TMEM132D: variants seen among roughly 807,000 people sequenced by gnomAD.
TMEM132D encodes the protein mature OL transmembrane protein.
In TMEM132D, 21 loss-of-function variants were observed where a neutral mutation model predicts 62.3. The observed-to-expected ratio is 0.34, with a 90% CI of 0.24 to 0.49. TMEM132D has a LOEUF of 0.49. Ranked by LOEUF, TMEM132D falls within the 20% of genes least tolerant of loss-of-function variation. The probability of loss-of-function intolerance (pLI) is 0.99; values close to 1 mark genes in which losing one functional copy is unlikely to be tolerated. For synonymous variants in TMEM132D, 621 were observed against 575.6 expected (o/e 1.08, Z -1.13); for missense variants, 1,346 against 1,402.8 (o/e 0.96, Z 0.65).
chr12:129,384,429 A>C (rs2135689354), intron 3 of TMEM132D, among the ~76,000 whole-genome samples: 1 of 152,272 alleles, frequency 6.6e-6, no homozygotes, highest in East Asian at 1.9e-4. Context: ...CACTTTTTAA[A>C]GTCTTCAGAC....
chr12:129,287,004 C>T (rs950870167), intron 4 of TMEM132D, among the ~76,000 whole-genome samples: 5 of 151,130 alleles, frequency 3.3e-5, no homozygotes, highest in African/African-American at 7.3e-5. Flanking sequence ...GCTGAGATCA[C>T]GCCACTGTAC....
At chr12:129,403,005 G>A (rs981414449) in intron 3 of TMEM132D, among the ~76,000 whole-genome samples, 1 of 152,058 alleles carries the variant, frequency 6.6e-6, no homozygotes, top group African/African-American at 2.4e-5. Flanking sequence ...TGTGTTTTCT[G>A]CCACGGGCCA....
At chr12:129,373,261 A>T (rs1341857808) in intron 3 of TMEM132D, among the ~76,000 whole-genome samples, 1 of 152,158 alleles carries the variant, frequency 6.6e-6, no homozygotes. Flanking sequence ...TAATAACTGC[A>T]TTTAAGTGAT....
chr12:129,072,313 A>C lies in TMEM132D; in HGVS notation c.*1562T>G, dbSNP rs1453471547. On this transcript the variant is annotated 3_prime_UTR_variant, in exon 9 of 9. Coordinates refer to ENST00000422113, the MANE Select transcript of TMEM132D (RefSeq NM_133448.3). ...TTCAACAGCACGGCCTCTTCTGCCC[A>C]CCACCCGCTGCCCCCGACCATCTTT... 6.6e-6 allele frequency: 1 copy of C among 152,574 alleles called. No individual in the cohort carries two copies. Among genetic ancestry groups the C allele is most frequent in the Non-Finnish European group, 1.5e-5 (1 of 68,156 alleles). 9.5% of individuals were successfully genotyped at this position (152,574 alleles called of 1,614,324 possible).
intron 2 of TMEM132D, among the ~76,000 whole-genome samples, chr12:129,567,583 G>A: frequency 6.6e-6 from 1 of 152,104 alleles, no homozygotes; most frequent in East Asian, 1.9e-4. Flanking sequence ...GCAGATATGA[G>A]AATTTAGCTG....
chr12:129,846,572 C>T lies in TMEM132D; in HGVS notation c.79+56689G>A, dbSNP rs370816653. ...TTTTTAGCAAGTCCGTTATGATATA[C>T]CCAGGTGTGATTTCCTTTACGGCTG... is the stretch of plus-strand genomic sequence containing the variant. On this transcript the variant is annotated intron_variant, in intron 1 of 8. Coordinates refer to ENST00000422113, the MANE Select transcript of TMEM132D (RefSeq NM_133448.3). Among the ~76,000 whole-genome samples the T allele has an allele frequency of 4.6e-5, 7 of 152,212 alleles. No homozygotes were observed. The East Asian group carries it at 1.2e-3, about 25-fold the overall frequency.
At chr12:129,386,353 A>G (rs137877650) in intron 3 of TMEM132D, among the ~76,000 whole-genome samples, 35 of 152,294 alleles carry the variant, frequency 2.3e-4, no homozygotes, top group Non-Finnish European at 4.9e-4. Flanking sequence ...TGCCAACACT[A>G]CTGACACTAA....
At chr12:129,175,750 G>C (rs1201982465) in intron 5 of TMEM132D, among the ~76,000 whole-genome samples, 1 of 152,166 alleles carries the variant, frequency 6.6e-6, no homozygotes, top group African/African-American at 2.4e-5. Context: ...TACCTACTTA[G>C]CCTGTGTAGC....
At chr12:129,334,839 C>T (rs1412348138) in intron 4 of TMEM132D, among the ~76,000 whole-genome samples, 2 of 152,158 alleles carry the variant, frequency 1.3e-5, no homozygotes, top group African/African-American at 4.8e-5. Flanking sequence ...ATCCACCTTT[C>T]TTGGCCTCCC....
At chr12:129,647,243 G>GTTTTTTTTTTTT (rs57450911) in intron 2 of TMEM132D, among the ~76,000 whole-genome samples, 3 of 117,596 alleles carry the variant, frequency 2.6e-5, no homozygotes, top group East Asian at 2.5e-4. Context: ...TTGTTTTTCT[G>GTTTTTTTTTTTT]TTTTTTTTTT....
intron 4 of TMEM132D, among the ~76,000 whole-genome samples, chr12:129,314,769 ATTTG>A (rs758455783): frequency 3.3e-5 from 5 of 152,108 alleles, no homozygotes; most frequent in Admixed American, 1.3e-4. Flanking sequence ...ATGTGTTTCC[ATTTG>A]TTTGTGTTGT....
At chr12:129,841,933 G>GTTT (rs68046668) in intron 1 of TMEM132D, among the ~76,000 whole-genome samples, 3 of 137,078 alleles carry the variant, frequency 2.2e-5, no homozygotes, top group African/African-American at 2.6e-5. Context: ...TGGTTTTCGT[G>GTTT]TTTTTTTTTT....
chr12:129,595,136 C>G (rs547612085), intron 2 of TMEM132D, among the ~76,000 whole-genome samples: 1 of 152,130 alleles, frequency 6.6e-6, no homozygotes, highest in Admixed American at 6.5e-5. Flanking sequence ...AGATAATATG[C>G]AAAAATTAAT....
At chr12:129,435,242 A>T (rs1211302111) in intron 3 of TMEM132D, among the ~76,000 whole-genome samples, 1 of 152,196 alleles carries the variant, frequency 6.6e-6, no homozygotes, top group Non-Finnish European at 1.5e-5. Flanking sequence ...GGTGGTTTCC[A>T]TATCTTGGCT....
At chr12:129,509,252 A>G (rs756151289) in intron 3 of TMEM132D, among the ~76,000 whole-genome samples, 19 of 152,330 alleles carry the variant, frequency 1.2e-4, no homozygotes, top group Admixed American at 4.6e-4. Context: ...GTGAAATATT[A>G]ATTCACTTTC....
At chr12:129,089,747 C>T (rs1452638087) in intron 5 of TMEM132D, among the ~76,000 whole-genome samples, 4 of 152,218 alleles carry the variant, frequency 2.6e-5, no homozygotes, top group African/African-American at 9.6e-5. Flanking sequence ...TCACAGCCAC[C>T]CCAGCAGGCA....
chr12:129,673,375 C>G (rs1880545249), intron 2 of TMEM132D, among the ~76,000 whole-genome samples: 1 of 152,190 alleles, frequency 6.6e-6, no homozygotes, highest in South Asian at 2.1e-4. Flanking sequence ...ATGACTGGAT[C>G]TGGGTAACGT....
At chr12:129,420,671 T>C (rs1428587047) in intron 3 of TMEM132D, among the ~76,000 whole-genome samples, 2 of 152,102 alleles carry the variant, frequency 1.3e-5, no homozygotes, top group African/African-American at 2.4e-5. Context: ...CAACCAACGC[T>C]CAGCAAGCTG....
At chr12:129,749,413 C>CA (rs1356137283) in intron 1 of TMEM132D, among the ~76,000 whole-genome samples, 2 of 151,588 alleles carry the variant, frequency 1.3e-5, no homozygotes, top group Non-Finnish European at 2.9e-5. Context: ...TCAGGTGAGG[C>CA]AACAGCTTAA....
Sources: gnomAD v4.1 joint callset for allele counts (sites outside exome capture counted in the v4.1 genomes callset) on GRCh38, gnomAD v4.1.1 for gene constraint, MANE v1.5 for transcripts, NCBI Gene and HGNC (gene_info 2026-07-23, HGNC 2026-07-21) for gene names.